The following SULT1C2 variants were observed in gnomAD, a reference collection of about 807,000 sequenced individuals.
The protein encoded by SULT1C2 is sulfotransferase 1C2.
A neutral mutation model predicts 36.0 loss-of-function variants in SULT1C2; 27 were observed. The ratio of observed to expected loss-of-function variants is 0.75; its 90% CI spans 0.55 to 1.03. The LOEUF is 1.03. SULT1C2 is among the 50% of genes least tolerant of loss of function. The pLI, the probability that SULT1C2 is intolerant of heterozygous loss-of-function variation, is 0.00. For synonymous variants in SULT1C2, 121 were observed against 116.0 expected (o/e 1.04, Z -0.27); for missense variants, 395 against 359.2 (o/e 1.10, Z -0.80).
chr2:108,306,369 C>A (rs550501821), intron 7 of SULT1C2, among the ~76,000 whole-genome samples: 15 of 152,318 alleles, frequency 9.8e-5, no homozygotes, highest in African/African-American at 3.4e-4. Context: ...TTTTGGAAAG[C>A]TGAGGCATGA....
chr2:108,291,520 A>G (rs978767389), intron 1 of SULT1C2, among the ~76,000 whole-genome samples: 2 of 152,222 alleles, frequency 1.3e-5, no homozygotes, highest in African/African-American at 4.8e-5. Flanking sequence ...ATACATCAAA[A>G]TAATAACAAC....
intron 3 of SULT1C2, chr2:108,299,438 A>C (rs979452432): frequency 2.0e-5 from 3 of 152,334 alleles, no homozygotes; most frequent in African/African-American, 4.8e-5. Flanking sequence ...ACTTGGAGAG[A>C]CCCTTGAAGA....
intron 4 of SULT1C2, chr2:108,303,181 T>G (rs2104421879): frequency 6.6e-6 from 1 of 152,412 alleles, no homozygotes; most frequent in South Asian, 2.1e-4. Flanking sequence ...TTTCTCAACC[T>G]TAGCACTTGC....
At chr2:108,305,938 G>C (rs572774062) in intron 7 of SULT1C2, among the ~76,000 whole-genome samples, 31 of 152,340 alleles carry the variant, frequency 2.0e-4, no homozygotes, top group Admixed American at 3.9e-4. Flanking sequence ...CTGGATCTCA[G>C]GGTCCAGGAC....
chr2:108,302,804 C>CA (rs544725054), intron 4 of SULT1C2: 1 of 151,892 alleles, frequency 6.6e-6, no homozygotes, highest in Non-Finnish European at 1.5e-5. Context: ...ATTTCTATAA[C>CA]AAAAAAATAT....
rs532423626 is a variant in SULT1C2, at chr2:108,300,921, G to A, written c.361G>A (p.Glu121Lys). 2 of 1,614,056 alleles carry A rather than the reference G, an allele frequency of 1.2e-6. No homozygotes were observed. Among genetic ancestry groups the A allele is most frequent in the Non-Finnish European group, 8.5e-7 (1 of 1,179,996 alleles). Residue 121 changes from glutamate (E) to lysine (K), a missense_variant, in exon 4 of 8, where the codon GAA (glutamate) becomes AAA (lysine). Physicochemically the swap from Glu to Lys is moderately conservative, Grantham distance 56. Coordinates refer to ENST00000251481, the MANE Select transcript of SULT1C2 (RefSeq NM_001056.4). Reference sequence around the variant, plus strand: ...TCAGCTGCTGCCACCGTCTTTCTGGGAAAACAACTGCAAGGTAAGATACCA... The same window carrying A: ...TCAGCTGCTGCCACCGTCTTTCTGGAAAAACAACTGCAAGGTAAGATACCA... The part of the protein sequence containing the change: ...STQLLPPSFW[E>K]NNCKFLYVAR...
At position 108,305,411 on chromosome 2, in the gene SULT1C2, G is replaced by T. The variant is rs559820602; in HGVS notation, c.598-4G>T. 3 of 1,613,264 alleles carry T rather than the reference G, an allele frequency of 1.9e-6. No individual in the cohort carries two copies. Among genetic ancestry groups the T allele is most frequent in the Admixed American group, 1.7e-5 (1 of 59,926 alleles). On this transcript the variant is annotated splice_polypyrimidine_tract_variant and splice_region_variant and intron_variant, in intron 6 of 7. Transcript: ENST00000251481. Reference sequence around the variant, plus strand: ...ATTCCAGTCCAATGTTACCCTTGCCGCAGGACCCAAAGCATGAAATTCGGA... The same window carrying T: ...ATTCCAGTCCAATGTTACCCTTGCCTCAGGACCCAAAGCATGAAATTCGGA...
Position 108,300,928 on chromosome 2 carries a change from A to C in SULT1C2, c.368A>C (p.Asn123Thr). 1 of 1,614,146 alleles carries C rather than the reference A, an allele frequency of 6.2e-7. No homozygotes were observed. The change falls in exon 4 of 8, where the codon AAC becomes ACC. Residue 123 changes from asparagine to threonine, a missense_variant. By Grantham distance (65) the Asn-to-Thr change is moderately conservative. Coordinates refer to ENST00000251481, the MANE Select transcript of SULT1C2 (RefSeq NM_001056.4). ...CTGCCACCGTCTTTCTGGGAAAACA[A>C]CTGCAAGGTAAGATACCAACAGCTC... ...QLLPPSFWEN[N>T]CKFLYVARNA...
intron 1 of SULT1C2, among the ~76,000 whole-genome samples, chr2:108,292,736 C>T (rs572750779): frequency 6.6e-6 from 1 of 152,208 alleles, no homozygotes; most frequent in South Asian, 2.1e-4. Context: ...AAATATTAAA[C>T]ATAGAATTAC....
intron 1 of SULT1C2, among the ~76,000 whole-genome samples, chr2:108,292,566 C>T (rs1676619831): frequency 6.6e-6 from 1 of 152,052 alleles, no homozygotes; most frequent in African/African-American, 2.4e-5. Context: ...TATCACCGCA[C>T]AACCATTAGG....
intron 2 of SULT1C2, 69 bp from the exon 3 acceptor site, chr2:108,294,160 T>C: frequency 6.3e-7 from 1 of 1,582,578 alleles, no homozygotes; most frequent in Non-Finnish European, 8.6e-7. Flanking sequence ...CCTCTTCGTT[T>C]ACTCGGGACT....
At chr2:108,305,680 T>C in intron 7 of SULT1C2, 85 bp downstream of exon 7, 1 of 1,521,946 alleles carries the variant, frequency 6.6e-7, no homozygotes, top group Non-Finnish European at 9.1e-7. Context: ...GTTTTATTAA[T>C]TCCAAGCCAA....
chr2:108,305,194 C>A lies in SULT1C2; in HGVS notation c.525C>A (p.Asp175Glu). ...CAGTGGTTTGGGGTTCCTGGTTTGA[C>A]CACGTGAAAGGATGGTGGGAGATGA... ...NGKVVWGSWF[D>E]HVKGWWEMKD... Residue 175 changes from aspartate to glutamate, a missense_variant, in exon 6 of 8, where the codon GAC (aspartate) becomes GAA (glutamate). By Grantham distance (45) the Asp-to-Glu change is conservative. Coordinates refer to ENST00000251481, the MANE Select transcript of SULT1C2 (RefSeq NM_001056.4). 1 of 1,614,130 alleles carries A rather than the reference C, an allele frequency of 6.2e-7. No individual in the cohort carries two copies. The highest frequency in any genetic ancestry group is 8.5e-7 in the Non-Finnish European group (1 of 1,180,022).
In SULT1C2 at chr2:108,308,335, G is replaced by A. The variant is rs1677072894; in HGVS notation, c.779-17G>A. ...TTCAATCAGAGTGACACTCCTGTCTGGCCTTCCTTTTTCTAGGAACTGTGG... is the reference window on the plus strand; with the variant it reads ...TTCAATCAGAGTGACACTCCTGTCTAGCCTTCCTTTTTCTAGGAACTGTGG... On this transcript the variant is annotated splice_polypyrimidine_tract_variant and intron_variant, in intron 7 of 7. Transcript: ENST00000251481. 6.3e-7 allele frequency: 1 copy of A among 1,595,476 alleles called. No homozygotes were observed. Among genetic ancestry groups the A allele is most frequent in the African/African-American group, 1.4e-5 (1 of 73,888 alleles).
At chr2:108,300,451 G>T (rs1676842620) in intron 3 of SULT1C2, 1 of 289,154 alleles carries the variant, frequency 3.5e-6, no homozygotes, top group African/African-American at 2.2e-5. Context: ...TGAAACAAGT[G>T]ATTGCAAACA....
intron 3 of SULT1C2, chr2:108,299,006 C>CG (rs1553420090): frequency 5.2e-5 from 8 of 152,778 alleles, no homozygotes; most frequent in African/African-American, 1.9e-4. Flanking sequence ...CACCCAGAGG[C>CG]GAGGCAAGGA....
chr2:108,300,330 A>G (rs1040745807), intron 3 of SULT1C2: 1 of 153,638 alleles, frequency 6.5e-6, no homozygotes, highest in African/African-American at 2.4e-5. Flanking sequence ...GTGAGCCGAG[A>G]TCGCACCACT....
chr2:108,293,846 A>G (rs371836863), intron 2 of SULT1C2, 28 bp downstream of exon 2: 127 of 1,607,456 alleles, frequency 7.9e-5, no homozygotes, highest in Non-Finnish European at 1.0e-4. Flanking sequence ...GGGACAGCAA[A>G]GACCTGCTGA....
At chr2:108,289,300 A>G (rs1266516437) in intron 1 of SULT1C2, among the ~76,000 whole-genome samples, 2 of 152,126 alleles carry the variant, frequency 1.3e-5, no homozygotes, top group Non-Finnish European at 2.9e-5. Context: ...CTCCTGTAAT[A>G]CTATCTCTGT....
Sources: gnomAD v4.1 joint callset for allele counts (sites outside exome capture counted in the v4.1 genomes callset) on GRCh38, gnomAD v4.1.1 for gene constraint, MANE v1.5 for transcripts, NCBI Gene and HGNC (gene_info 2026-07-23, HGNC 2026-07-21) for gene names.